The following UEVLD variants were observed in gnomAD, a reference collection of about 807,000 sequenced individuals.
UEVLD encodes UEV and lactate/malate dehyrogenase domains, also known as ubiquitin-conjugating enzyme E2 variant 3.
Under a neutral mutation model 58.6 loss-of-function variants are expected in UEVLD, and 47 were observed. The observed-to-expected ratio is 0.80, with a 90% CI of 0.63 to 1.02. The LOEUF (loss-of-function observed/expected upper bound fraction) is 1.02. Ranked by LOEUF, UEVLD falls within the 50% of genes least tolerant of loss-of-function variation. The probability of loss-of-function intolerance (pLI) is 0.00; values close to 1 mark genes in which losing one functional copy is unlikely to be tolerated. For synonymous variants in UEVLD, 197 were observed against 195.3 expected, an observed-to-expected ratio of 1.01 and a Z score of -0.07; for missense variants, 510 against 550.6, an observed-to-expected ratio of 0.93 and a Z score of 0.74.
At chr11:18,540,280 T>G (rs773779844) in intron 9 of UEVLD, among the ~76,000 whole-genome samples, 10 of 152,204 alleles carry the variant, frequency 6.6e-5, no homozygotes, top group Non-Finnish European at 1.5e-5. Flanking sequence ...CACAGAGTGT[T>G]TATAAAATTT....
chr11:18,570,066 G>A (rs1852515486), intron 4 of UEVLD, 148 bp downstream of exon 4: 4 of 886,566 alleles, frequency 4.5e-6, no homozygotes, highest in Non-Finnish European at 6.4e-6. Flanking sequence ...TAACCCTAGA[G>A]AGCTCAATTT....
At chr11:18,561,668 C>G (rs1852040100) in intron 6 of UEVLD, among the ~76,000 whole-genome samples, 1 of 152,002 alleles carries the variant, frequency 6.6e-6, no homozygotes, top group Admixed American at 6.6e-5. Flanking sequence ...ATGGTGAAAC[C>G]CCGTCTCTAC....
At chr11:18,533,477 AC>A (rs1679292000) in intron 11 of UEVLD, among the ~76,000 whole-genome samples, 1 of 150,330 alleles carries the variant, frequency 6.7e-6, no homozygotes, top group Non-Finnish European at 1.5e-5. Context: ...ATGATAAATG[AC>A]AGTCAGAAGA....
chr11:18,565,076 A>C, intron 5 of UEVLD, 66 bp from the exon 6 acceptor site: 1 of 1,192,220 alleles, frequency 8.4e-7, no homozygotes, highest in Admixed American at 2.0e-5. Flanking sequence ...GATCTTTAAA[A>C]AAAATATATA....
At chr11:18,549,350 T>A (rs1365282969) in intron 7 of UEVLD, among the ~76,000 whole-genome samples, 1 of 152,236 alleles carries the variant, frequency 6.6e-6, no homozygotes, top group Non-Finnish European at 1.5e-5. Context: ...TTTTCTTTGC[T>A]CCTTTAGCTT....
In UEVLD at chr11:18,529,926, T is replaced by C. The variant is rs1250697246; in HGVS notation, c.*2394A>G. ...TCTGATACAGAGAATTACTTCTACA[T>C]TGTGGCCTTCCAGAGGGCAAAGACT... is the stretch of plus-strand genomic sequence containing the variant. On this transcript the variant is annotated 3_prime_UTR_variant, in exon 12 of 12. Transcript: ENST00000396197. 3 of 152,194 alleles carry C rather than the reference T, an allele frequency of 2.0e-5. No individual in the cohort carries two copies. Among genetic ancestry groups the C allele is most frequent in the African/African-American group, 7.2e-5 (3 of 41,454 alleles). 9.4% of individuals were successfully genotyped at this position (152,194 alleles called of 1,614,324 possible). A position where few individuals can be genotyped will look rare whatever the true frequency, so the allele number is the denominator to read the frequency against.
intron 6 of UEVLD, among the ~76,000 whole-genome samples, chr11:18,564,650 A>G (rs1373139851): frequency 6.6e-6 from 1 of 152,240 alleles, no homozygotes; most frequent in Non-Finnish European, 1.5e-5. Context: ...ATGAATGTCA[A>G]ATTGAGCTTT....
intron 11 of UEVLD, among the ~76,000 whole-genome samples, chr11:18,532,862 G>A (rs2133947554): frequency 6.6e-6 from 1 of 152,150 alleles, no homozygotes; most frequent in Non-Finnish European, 1.5e-5. Context: ...CATGACAATA[G>A]CTTCTTTAAA....
intron 7 of UEVLD, 66 bp from the exon 8 acceptor site, chr11:18,547,116 T>C (rs1851336107): frequency 2.0e-6 from 3 of 1,509,816 alleles, no homozygotes; most frequent in South Asian, 2.6e-5. Flanking sequence ...AGTTCACGAT[T>C]AAAAGGTTGT....
At chr11:18,558,584 G>A (rs1393502017) in intron 6 of UEVLD, among the ~76,000 whole-genome samples, 2 of 152,034 alleles carry the variant, frequency 1.3e-5, no homozygotes, top group Non-Finnish European at 2.9e-5. Context: ...AGGAGTTCAA[G>A]ACCAGCCTGG....
chr11:18,536,075 A>G (rs1850782523), intron 10 of UEVLD, among the ~76,000 whole-genome samples: 1 of 152,212 alleles, frequency 6.6e-6, no homozygotes, highest in Non-Finnish European at 1.5e-5. Context: ...CGGAGGCTGC[A>G]GTGAGCCGAG....
chr11:18,585,963 G>A (rs1853536987), intron 1 of UEVLD, among the ~76,000 whole-genome samples: 1 of 152,110 alleles, frequency 6.6e-6, no homozygotes, highest in Admixed American at 6.6e-5. Flanking sequence ...CCATAATAAT[G>A]TCAAGGTTAT....
chr11:18,537,489 C>A (rs1455762756), intron 9 of UEVLD, among the ~76,000 whole-genome samples: 1 of 151,474 alleles, frequency 6.6e-6, no homozygotes, highest in Non-Finnish European at 1.5e-5. Context: ...CGCCACCACA[C>A]CTGGCTAATT....
chr11:18,546,869 A>G lies in UEVLD; in HGVS notation c.886+11T>C. On this transcript the variant is annotated intron_variant, in intron 8 of 11. Coordinates refer to ENST00000396197, the MANE Select transcript of UEVLD (RefSeq NM_001040697.4). ...TGGACCATCAACTTAATTTAAAATA[A>G]AGCATTTTACCTGGTTGAGATGCAA... The G allele has an allele frequency of 6.2e-7, 1 of 1,609,878 alleles. No homozygotes were observed. The highest frequency in any genetic ancestry group is 1.1e-5 in the South Asian group (1 of 90,192).
Position 18,552,264 on chromosome 11 carries a change from G to A in UEVLD, c.716-5214C>T, listed in dbSNP as rs555186132. Among the ~76,000 whole-genome samples, 4 of 152,356 alleles carry A rather than the reference G, an allele frequency of 2.6e-5. No homozygotes were observed. The East Asian group carries it at 7.7e-4, about 29-fold the overall frequency. On this transcript the variant is annotated intron_variant, in intron 7 of 11. Coordinates refer to ENST00000396197, the MANE Select transcript of UEVLD (RefSeq NM_001040697.4). ...ATAGCTATTAAAAATCTTCCTGAAG[G>A]CTAGGTGCAGTGGCTCACGCCTATA... is the stretch of plus-strand genomic sequence containing the variant.
chr11:18,532,240 TC>T lies in UEVLD; in HGVS notation c.*79del. The stretch of plus-strand genomic sequence containing the variant: ...AAAAGTAAGTAGCAGGATACAGAAA[TC>T]CTCAAACCTATATATAGGTAAAATT... On this transcript the variant is annotated 3_prime_UTR_variant, in exon 12 of 12. Coordinates refer to ENST00000396197, the MANE Select transcript of UEVLD (RefSeq NM_001040697.4). 7.6e-7 allele frequency: 1 copy of T among 1,324,390 alleles called. No individual in the cohort carries two copies. Among genetic ancestry groups the T allele is most frequent in the South Asian group, 1.9e-5 (1 of 51,356 alleles). The allele number at this position is 1,324,390 out of a possible 1,614,324, so 82.0% of individuals were successfully genotyped here.
At position 18,565,014 on chromosome 11, in the gene UEVLD, G is replaced by A. The variant is rs1382707972; in HGVS notation, c.494-4C>T. 6 of 1,587,436 alleles carry A rather than the reference G, an allele frequency of 3.8e-6. No homozygotes were observed. Among genetic ancestry groups the A allele is most frequent in the Non-Finnish European group, 5.2e-6 (6 of 1,159,742 alleles). On this transcript the variant is annotated splice_region_variant and splice_polypyrimidine_tract_variant and intron_variant, in intron 5 of 11. Coordinates refer to ENST00000396197, the MANE Select transcript of UEVLD (RefSeq NM_001040697.4). ...TTTGAATTTGTATCTGAAACACCTA[G>A]AAAGAAAGGTGAATTATCCTGAGAA...
intron 6 of UEVLD, among the ~76,000 whole-genome samples, chr11:18,564,498 T>C (rs937325229): frequency 8.6e-5 from 13 of 150,868 alleles, no homozygotes; most frequent in African/African-American, 3.2e-4. Flanking sequence ...ACTGTGATCC[T>C]AAAAGAAAGT....
chr11:18,588,320 G>A (rs574043402), intron 1 of UEVLD, among the ~76,000 whole-genome samples: 3 of 152,286 alleles, frequency 2.0e-5, no homozygotes, highest in African/African-American at 7.2e-5. Flanking sequence ...GAGAAAGAGA[G>A]AAAGGCGTGG....
Sources: allele counts gnomAD v4.1 joint callset (sites outside exome capture counted in the v4.1 genomes callset), GRCh38; gene constraint gnomAD v4.1.1; transcripts MANE v1.5; gene names NCBI Gene and HGNC (gene_info 2026-07-23, HGNC 2026-07-21).